The following KCNMA1 variants were observed in gnomAD, a reference collection of about 807,000 sequenced individuals.
KCNMA1 encodes Calcium-activated potassium channel subunit alpha-1.
KCNMA1 carries 29 observed loss-of-function variants against 140.0 expected under a neutral mutation model. The observed-to-expected ratio is 0.21, with a 90% CI of 0.15 to 0.28. The LOEUF (loss-of-function observed/expected upper bound fraction) is 0.28. Ranked by LOEUF, KCNMA1 falls within the 10% of genes least tolerant of loss-of-function variation. The pLI, the probability that KCNMA1 is intolerant of heterozygous loss-of-function variation, is 1.00. For missense variants in KCNMA1, 880 were observed against 1,602.2 expected (o/e 0.55, Z 7.70); for synonymous variants, 612 against 611.9 (o/e 1.00, Z 0.00).
chr10:77,570,782 T>C (rs1040744246), intron 1 of KCNMA1, among the ~76,000 whole-genome samples: 1 of 150,796 alleles, frequency 6.6e-6, no homozygotes, highest in Non-Finnish European at 1.5e-5. Context: ...AAAAAAAAAA[T>C]TAGCCAGGTG....
At chr10:77,111,801 G>T (rs1034655433) in intron 7 of KCNMA1, among the ~76,000 whole-genome samples, 4 of 152,190 alleles carry the variant, frequency 2.6e-5, no homozygotes, top group Admixed American at 2.6e-4. Context: ...TCCCACAATG[G>T]CTGTGCTCTC....
chr10:77,360,441 A>G (rs1566244047), intron 2 of KCNMA1, among the ~76,000 whole-genome samples: 1 of 152,158 alleles, frequency 6.6e-6, no homozygotes, highest in African/African-American at 2.4e-5. Flanking sequence ...CTATGGCCAA[A>G]CTGATGAAGC....
At chr10:77,153,174 T>A (rs762748089) in intron 5 of KCNMA1, among the ~76,000 whole-genome samples, 5 of 152,086 alleles carry the variant, frequency 3.3e-5, no homozygotes, top group Non-Finnish European at 7.4e-5. Context: ...GAGCACAGAG[T>A]TCTCTTTCCA....
chr10:77,443,256 C>T (rs908952554), intron 1 of KCNMA1, among the ~76,000 whole-genome samples: 5 of 152,184 alleles, frequency 3.3e-5, no homozygotes, highest in African/African-American at 1.2e-4. Flanking sequence ...GCTTCCAGGA[C>T]ACTCCTGCAG....
chr10:77,037,905 C>A (rs1470447558), intron 15 of KCNMA1, among the ~76,000 whole-genome samples: 2 of 152,156 alleles, frequency 1.3e-5, no homozygotes, highest in East Asian at 1.9e-4. Flanking sequence ...CCCAATGCCT[C>A]TGAATGCTTA....
intron 1 of KCNMA1, chr10:77,587,160 T>C (rs898894347): frequency 2.0e-5 from 3 of 152,138 alleles, no homozygotes; most frequent in African/African-American, 7.2e-5. Context: ...ACAACAGTTC[T>C]AAACAAAGCA....
intron 3 of KCNMA1, among the ~76,000 whole-genome samples, chr10:77,202,133 G>T (rs1221242647): frequency 6.6e-6 from 1 of 152,212 alleles, no homozygotes; most frequent in Non-Finnish European, 1.5e-5. Context: ...AATGTCTACA[G>T]ACTGATTTCT....
intron 2 of KCNMA1, among the ~76,000 whole-genome samples, chr10:77,359,494 G>A (rs2093768248): frequency 6.6e-6 from 1 of 152,136 alleles, no homozygotes; most frequent in African/African-American, 2.4e-5. Flanking sequence ...GCAGTTCTCT[G>A]GGAATAATCA....
At chr10:77,383,847 T>C (rs1003011569) in intron 2 of KCNMA1, among the ~76,000 whole-genome samples, 3 of 152,178 alleles carry the variant, frequency 2.0e-5, no homozygotes, top group Admixed American at 6.5e-5. Context: ...TGTGCACTAC[T>C]ACTCCCAGCT....
intron 1 of KCNMA1, among the ~76,000 whole-genome samples, chr10:77,572,439 C>CA (rs1303641931): frequency 6.9e-5 from 10 of 145,068 alleles, no homozygotes; most frequent in African/African-American, 1.8e-4. Flanking sequence ...TACTTCTTAT[C>CA]AAAAAAAAAT....
At chr10:77,260,161 G>A (rs1159109267) in intron 2 of KCNMA1, among the ~76,000 whole-genome samples, 3 of 152,132 alleles carry the variant, frequency 2.0e-5, no homozygotes, top group Non-Finnish European at 2.9e-5. Flanking sequence ...GGTAGAGGTC[G>A]AGGGTCTGAG....
chr10:76,900,919 A>C (rs958073045), intron 25 of KCNMA1, among the ~76,000 whole-genome samples: 1 of 150,092 alleles, frequency 6.7e-6, no homozygotes. Context: ...AACCCAGTAC[A>C]TTTGCCTCAA....
chr10:77,231,493 A>G (rs942554286), intron 3 of KCNMA1, among the ~76,000 whole-genome samples: 2 of 152,168 alleles, frequency 1.3e-5, no homozygotes, highest in African/African-American at 4.8e-5. Flanking sequence ...ATAAGCTTCT[A>G]GTGTTTTTCT....
At chr10:77,276,730 C>T (rs2066787416) in intron 2 of KCNMA1, among the ~76,000 whole-genome samples, 2 of 152,038 alleles carry the variant, frequency 1.3e-5, no homozygotes, top group South Asian at 2.1e-4. Context: ...TGAGAATATA[C>T]TAATCACACA....
intron 14 of KCNMA1, among the ~76,000 whole-genome samples, chr10:77,070,661 G>C (rs1243352684): frequency 1.3e-5 from 2 of 152,122 alleles, no homozygotes; most frequent in African/African-American, 4.8e-5. Flanking sequence ...TCCATTTGTA[G>C]GTTTACTTTT....
intron 14 of KCNMA1, among the ~76,000 whole-genome samples, chr10:77,041,923 G>A: frequency 6.6e-6 from 1 of 152,182 alleles, no homozygotes; most frequent in Admixed American, 6.5e-5. Context: ...CAGTGGGCAA[G>A]GGCACACCTA....
chr10:76,881,172 A>G (rs1374924334), downstream of KCNMA1, among the ~76,000 whole-genome samples: 3 of 152,218 alleles, frequency 2.0e-5, no homozygotes, highest in Non-Finnish European at 4.4e-5. Context: ...GCTGTCCACC[A>G]TGAAGAAGCA....
chr10:76,918,816 A>G (rs1171280088), intron 23 of KCNMA1, among the ~76,000 whole-genome samples: 1 of 152,112 alleles, frequency 6.6e-6, no homozygotes, highest in African/African-American at 2.4e-5. Flanking sequence ...ACAATTCACA[A>G]TTGCAAAACC....
intron 16 of KCNMA1, among the ~76,000 whole-genome samples, chr10:77,024,659 A>G (rs922111302): frequency 2.0e-5 from 3 of 152,174 alleles, no homozygotes; most frequent in Non-Finnish European, 4.4e-5. Context: ...GAAAATTGAG[A>G]AACTTCATAT....
Sources: gnomAD v4.1 joint callset for allele counts (sites outside exome capture counted in the v4.1 genomes callset) on GRCh38, gnomAD v4.1.1 for gene constraint, MANE v1.5 for transcripts, NCBI Gene and HGNC (gene_info 2026-07-23, HGNC 2026-07-21) for gene names.